The following CGGBP1 variants were observed in gnomAD, a reference collection of about 807,000 sequenced individuals.
CGGBP1 encodes the protein CGG triplet repeat-binding protein 1.
Under a neutral mutation model 11.4 loss-of-function variants are expected in CGGBP1, and 4 were observed. The observed-to-expected ratio is 0.35, with a 90% CI of 0.17 to 0.80. The LOEUF is 0.80. Ranked by LOEUF, CGGBP1 falls within the 30% of genes least tolerant of loss-of-function variation. CGGBP1 has a pLI of 0.52. For synonymous variants in CGGBP1, 76 were observed against 74.1 expected (o/e 1.03, Z -0.13); for missense variants, 135 against 202.1 (o/e 0.67, Z 2.01).
intron 2 of CGGBP1, among the ~76,000 whole-genome samples, chr3:88,132,202 A>G (rs1706505959): frequency 1.3e-5 from 2 of 152,172 alleles, no homozygotes; most frequent in Admixed American, 6.6e-5. Flanking sequence ...AGCCTCTGCT[A>G]TATTAAAATT....
chr3:88,123,011 C>CAA (rs1289535548), intron 2 of CGGBP1, among the ~76,000 whole-genome samples: 78 of 76,118 alleles, frequency 1.0e-3, no homozygotes, highest in African/African-American at 3.1e-3. Flanking sequence ...CTCTGAGTCT[C>CAA]AAAAAAAAAA....
chr3:88,069,514 A>G (rs1707389434), intron 2 of CGGBP1, among the ~76,000 whole-genome samples: 1 of 152,342 alleles, frequency 6.6e-6, no homozygotes, highest in African/African-American at 2.4e-5. Context: ...TGGCTCAGTT[A>G]TAACTTTTCT....
chr3:88,067,451 T>A (rs980282123), intron 2 of CGGBP1, among the ~76,000 whole-genome samples: 1 of 152,150 alleles, frequency 6.6e-6, no homozygotes, highest in Non-Finnish European at 1.5e-5. Flanking sequence ...TATGTGTGAA[T>A]GAGCTCACAT....
intron 2 of CGGBP1, among the ~76,000 whole-genome samples, chr3:88,092,162 A>G (rs919908369): frequency 3.3e-5 from 5 of 152,206 alleles, no homozygotes; most frequent in Non-Finnish European, 7.3e-5. Context: ...GGAAATAGCA[A>G]CATGTTGGTC....
chr3:88,083,969 A>ATAT (rs1708217409), intron 2 of CGGBP1, among the ~76,000 whole-genome samples: 1 of 108,848 alleles, frequency 9.2e-6, no homozygotes, highest in African/African-American at 3.2e-5. Flanking sequence ...ATATATATAG[A>ATAT]AAATATTTCA....
chr3:88,093,892 G>A (rs1703894967), intron 2 of CGGBP1, among the ~76,000 whole-genome samples: 1 of 152,166 alleles, frequency 6.6e-6, no homozygotes, highest in Non-Finnish European at 1.5e-5. Flanking sequence ...TGTTTGTATT[G>A]TAGGTCCCAA....
chr3:88,076,145 A>T (rs1707790283), intron 2 of CGGBP1, among the ~76,000 whole-genome samples: 1 of 152,152 alleles, frequency 6.6e-6, no homozygotes, highest in Non-Finnish European at 1.5e-5. Flanking sequence ...ATCTGTACAG[A>T]TTTTATATTA....
intron 2 of CGGBP1, among the ~76,000 whole-genome samples, chr3:88,138,381 G>A (rs1159159935): frequency 6.6e-6 from 1 of 151,856 alleles, no homozygotes; most frequent in Non-Finnish European, 1.5e-5. Flanking sequence ...TAATAAATGG[G>A]GGTCTAGAAG....
intron 2 of CGGBP1, among the ~76,000 whole-genome samples, chr3:88,122,239 A>G (rs1705813157): frequency 6.6e-6 from 1 of 152,196 alleles, no homozygotes; most frequent in Non-Finnish European, 1.5e-5. Context: ...AGAAAAGACA[A>G]GGTGAATTTT....
In CGGBP1 at chr3:88,107,549, G is replaced by A. The variant is rs185138237; in HGVS notation, c.-229+33421C>T. Among the ~76,000 whole-genome samples, 232 of 152,166 alleles carry A rather than the reference G, an allele frequency of 1.5e-3. 2 individuals carry two copies. Among genetic ancestry groups the A allele is most frequent in the East Asian group, 2.7e-3 (14 of 5,184 alleles). ...TGGATTTGGATTTTTCGTCAGTTGC[G>A]AAAAATTCTCGTCCAGTTAATGTCT... On this transcript the variant is annotated intron_variant, in intron 2 of 3. Coordinates refer to the CGGBP1 transcript ENST00000462901.
chr3:88,074,143 C>G (rs1331933386), intron 2 of CGGBP1, among the ~76,000 whole-genome samples: 1 of 152,084 alleles, frequency 6.6e-6, no homozygotes, highest in Non-Finnish European at 1.5e-5. Flanking sequence ...AGTCTAGAGT[C>G]TAAAGACATT....
chr3:88,097,640 C>A (rs1704140805), intron 2 of CGGBP1, among the ~76,000 whole-genome samples: 1 of 152,138 alleles, frequency 6.6e-6, no homozygotes, highest in Admixed American at 6.5e-5. Flanking sequence ...GTCTCTCAGA[C>A]CACAGTGCAA....
chr3:88,067,623 G>T (rs1707275126), intron 2 of CGGBP1, among the ~76,000 whole-genome samples: 1 of 152,228 alleles, frequency 6.6e-6, no homozygotes, highest in Non-Finnish European at 1.5e-5. Flanking sequence ...CAAAAGGCAA[G>T]GAAAGAGAAT....
chr3:88,060,219 C>T (rs1341609158), upstream of CGGBP1, among the ~76,000 whole-genome samples: 1 of 152,046 alleles, frequency 6.6e-6, no homozygotes, highest in Non-Finnish European at 1.5e-5. Context: ...TTAACATCAC[C>T]AACCCCCCTC....
At chr3:88,059,971 C>T (rs985252496), upstream of CGGBP1, among the ~76,000 whole-genome samples, 2 of 151,970 alleles carry the variant, frequency 1.3e-5, no homozygotes, top group African/African-American at 4.8e-5. Flanking sequence ...TCTTTCCTGT[C>T]ACTGCCACTG....
chr3:88,057,685 T>C (rs1039305372), intron 2 of CGGBP1: 2 of 152,260 alleles, frequency 1.3e-5, no homozygotes, highest in Non-Finnish European at 2.9e-5. Context: ...AAAAGTCTTG[T>C]ATCTTTAAAT....
At chr3:88,128,018 C>G (rs1387950150) in intron 2 of CGGBP1, among the ~76,000 whole-genome samples, 1 of 152,124 alleles carries the variant, frequency 6.6e-6, no homozygotes, top group Admixed American at 6.5e-5. Context: ...TAAAATACTT[C>G]TGGATTCAAA....
At chr3:88,079,625 T>G (rs547398423) in intron 2 of CGGBP1, among the ~76,000 whole-genome samples, 2 of 152,190 alleles carry the variant, frequency 1.3e-5, no homozygotes, top group African/African-American at 4.8e-5. Flanking sequence ...GGAGTGATAC[T>G]GTAATGGGTA....
chr3:88,062,327 C>CA (rs1429711024), upstream of CGGBP1, among the ~76,000 whole-genome samples: 6 of 152,166 alleles, frequency 3.9e-5, no homozygotes, highest in African/African-American at 1.4e-4. Flanking sequence ...GATTTGAACT[C>CA]AGTCTTCAGT....
Sources: allele counts gnomAD v4.1 joint callset (sites outside exome capture counted in the v4.1 genomes callset), GRCh38; gene constraint gnomAD v4.1.1; transcripts MANE v1.5; gene names NCBI Gene and HGNC (gene_info 2026-07-23, HGNC 2026-07-21).